The following PSMD9 variants were observed in gnomAD, a reference collection of about 807,000 sequenced individuals.
PSMD9 encodes the protein proteasome 26S subunit, non-ATPase 9, also known as 26S proteasome non-ATPase regulatory subunit 9.
A neutral mutation model predicts 25.9 loss-of-function variants in PSMD9; 26 were observed. The observed-to-expected ratio is 1.00, with a 90% CI of 0.73 to 1.39. The LOEUF is 1.39. PSMD9 is among the 40% of genes most tolerant of loss of function. The probability of loss-of-function intolerance (pLI) is 0.00; values close to 1 mark genes in which losing one functional copy is unlikely to be tolerated. For missense variants in PSMD9, 303 were observed against 299.3 expected (o/e 1.01, Z -0.09); for synonymous variants, 110 against 114.5 (o/e 0.96, Z 0.25).
rs143782226 is a variant in PSMD9, at chr12:121,894,746, G to A, written c.146G>A (p.Gly49Asp). Reference protein sequence around the residue: ...ANYDVLESQKGIGMNEPLVDC... With the variant: ...ANYDVLESQKDIGMNEPLVDC... ...CACGTTTCTTTCCTCCAGCAAAAAGGCATTGGGATGAACGAGCCGCTGGTG... is the reference window on the plus strand; with the variant it reads ...CACGTTTCTTTCCTCCAGCAAAAAGACATTGGGATGAACGAGCCGCTGGTG... The change falls in exon 2 of 6, where the codon GGC (glycine) becomes GAC (aspartate). Residue 49 changes from glycine to aspartate, a missense_variant. By Grantham distance (94) the Gly-to-Asp change is moderately conservative (BLOSUM62 -1). Transcript: ENST00000541212. 5.6e-5 allele frequency: 91 copies of A among 1,613,986 alleles called. No homozygotes were observed. The African/African-American group carries it at 1.1e-3, about 20-fold the overall frequency.
chr12:121,894,715 T>C, intron 1 of PSMD9, 24 bp from the exon 2 acceptor site: 2 of 1,608,904 alleles, frequency 1.2e-6, no homozygotes, highest in African/African-American at 1.3e-5. Flanking sequence ...ATGAGCACCT[T>C]TTAACCACGT....
intron 4 of PSMD9, 100 bp downstream of exon 4, chr12:121,903,207 T>C: frequency 9.1e-7 from 1 of 1,097,192 alleles, no homozygotes; most frequent in Non-Finnish European, 1.4e-6. Flanking sequence ...TTTTCACAGC[T>C]CTGGAGGCAG....
At chr12:121,907,717 G>A (rs1879601281) in intron 4 of PSMD9, among the ~76,000 whole-genome samples, 1 of 152,134 alleles carries the variant, frequency 6.6e-6, no homozygotes. Context: ...TTAAAATGGT[G>A]AATTTTATTG....
intron 1 of PSMD9, among the ~76,000 whole-genome samples, chr12:121,891,276 A>C (rs2137674450): frequency 1.4e-5 from 2 of 140,130 alleles, no homozygotes; most frequent in Admixed American, 1.5e-4. Flanking sequence ...CTTGTGGGTG[A>C]CAGAGTGAGA....
At chr12:121,910,549 G>T (rs1224273697) in intron 4 of PSMD9, among the ~76,000 whole-genome samples, 1 of 151,598 alleles carries the variant, frequency 6.6e-6, no homozygotes, top group African/African-American at 2.4e-5. Flanking sequence ...ATCACCTGAG[G>T]TCAGGAGCTG....
At chr12:121,914,718 G>GTGC (rs1879844135) in intron 4 of PSMD9, 1 of 151,840 alleles carries the variant, frequency 6.6e-6, no homozygotes, top group Non-Finnish European at 1.5e-5. Context: ...GCTGAGCATG[G>GTGC]TGCTGCATGC....
Position 121,903,579 on chromosome 12 carries a change from A to G in PSMD9, c.555+472A>G, listed in dbSNP as rs574417318. 5.8e-4 allele frequency among the ~76,000 whole-genome samples: 88 copies of G among 152,102 alleles called. 3 individuals are homozygous for G. In the South Asian group the frequency reaches 0.016, roughly 28 times the overall value. On this transcript the variant is annotated intron_variant, in intron 4 of 5. Coordinates refer to ENST00000541212, the MANE Select transcript of PSMD9 (RefSeq NM_002813.7). ...GTGTTGCTCAGCACAGCCCCATTCA[A>G]GGACTTGGCACCTGCTATTCCTTCT...
At chr12:121,915,580 T>C in intron 4 of PSMD9, 1 of 388,864 alleles carries the variant, frequency 2.6e-6, no homozygotes, top group Non-Finnish European at 4.6e-6. Flanking sequence ...AATTTGTATG[T>C]CATCTTGCAA....
At chr12:121,904,008 A>C (rs1330475875) in intron 4 of PSMD9, among the ~76,000 whole-genome samples, 1 of 152,010 alleles carries the variant, frequency 6.6e-6, no homozygotes, top group Admixed American at 6.6e-5. Flanking sequence ...CAGTTAACCC[A>C]ACAGTTGTGG....
intron 4 of PSMD9, among the ~76,000 whole-genome samples, chr12:121,906,547 G>A (rs1305636706): frequency 6.6e-6 from 1 of 151,638 alleles, no homozygotes; most frequent in African/African-American, 2.4e-5. Flanking sequence ...GCTCACACCT[G>A]TAATCCCAGC....
intron 4 of PSMD9, among the ~76,000 whole-genome samples, chr12:121,908,340 G>A (rs1167276320): frequency 6.6e-6 from 1 of 151,982 alleles, no homozygotes; most frequent in Non-Finnish European, 1.5e-5. Context: ...CACCAAGCCC[G>A]GCTAATTTTG....
At chr12:121,891,135 T>A (rs1410404386) in intron 1 of PSMD9, among the ~76,000 whole-genome samples, 1 of 145,694 alleles carries the variant, frequency 6.9e-6, no homozygotes, top group Non-Finnish European at 1.5e-5. Context: ...CTACAAAAAA[T>A]TTTTTTAAAA....
rs1283745980 is a variant in PSMD9 at position 121,899,594 on chromosome 12, A to G, written c.242-40A>G. On this transcript the variant is annotated intron_variant, in intron 2 of 5. Transcript: ENST00000541212. ...TAAATGTAGGAGTCTTGTGTCCTCC[A>G]CTGTCTTCCTTGGCCCCTGATGTGT... 3 of 1,537,172 alleles carry G rather than the reference A, an allele frequency of 2.0e-6. No homozygotes were observed. The African/African-American group carries it at 4.1e-5, about 21-fold the overall frequency.
At chr12:121,903,171 G>A (rs1244939716) in intron 4 of PSMD9, 64 bp downstream of exon 4, 7 of 1,373,256 alleles carry the variant, frequency 5.1e-6, no homozygotes, top group East Asian at 2.3e-5. Flanking sequence ...CATAGACTGC[G>A]TGGCTTACAA....
rs760578387 is a variant in PSMD9, at chr12:121,915,853, C to T, written c.556-3C>T. On this transcript the variant is annotated splice_region_variant and splice_polypyrimidine_tract_variant and intron_variant, in intron 4 of 5. Transcript: ENST00000541212. ...ACACGAAATGAGCTTATTTTCTTTT[C>T]AGAAGCCCCTGAATGTGACAGTGAT... is the stretch of plus-strand genomic sequence containing the variant. The T allele has an allele frequency of 1.3e-5, 21 of 1,611,202 alleles. No individual in the cohort carries two copies. In the South Asian group the frequency reaches 2.1e-4, roughly 16 times the overall value.
intron 2 of PSMD9, among the ~76,000 whole-genome samples, chr12:121,895,047 T>A (rs1341979103): frequency 1.3e-5 from 2 of 151,978 alleles, no homozygotes; most frequent in Non-Finnish European, 2.9e-5. Flanking sequence ...TCTCTCTCTC[T>A]CTCTCTTTTT....
intron 4 of PSMD9, among the ~76,000 whole-genome samples, chr12:121,906,944 C>T (rs1304369561): frequency 5.1e-5 from 7 of 138,036 alleles, no homozygotes; most frequent in East Asian, 2.2e-4. Flanking sequence ...CTAGCCTGGG[C>T]GACAGAGTGA....
At chr12:121,891,999 A>G (rs1404010264) in intron 1 of PSMD9, among the ~76,000 whole-genome samples, 1 of 152,114 alleles carries the variant, frequency 6.6e-6, no homozygotes, top group African/African-American at 2.4e-5. Flanking sequence ...GGATTAGGCA[A>G]AGCCTTTTTA....
In PSMD9 at chr12:121,916,502, G is replaced by A. The variant is rs1398335428; in HGVS notation, c.*191G>A. The A allele has an allele frequency of 1.5e-6, 1 of 683,280 alleles. No homozygotes were observed. The highest frequency in any genetic ancestry group is 2.4e-6 in the Non-Finnish European group (1 of 409,708). 42.3% of individuals were successfully genotyped at this position (683,280 alleles called of 1,614,324 possible). On this transcript the variant is annotated 3_prime_UTR_variant, in exon 6 of 6. Coordinates refer to ENST00000541212, the MANE Select transcript of PSMD9 (RefSeq NM_002813.7). ...GGATTAAGGCATTCTTAAAAACTTA[G>A]GCTTGGCCTCTTTCACAAATTAGGC... is the stretch of plus-strand genomic sequence containing the variant.
Sources: allele counts gnomAD v4.1 joint callset (sites outside exome capture counted in the v4.1 genomes callset), GRCh38; gene constraint gnomAD v4.1.1; transcripts MANE v1.5; gene names NCBI Gene and HGNC (gene_info 2026-07-23, HGNC 2026-07-21).